The following RGS6 variants were observed in gnomAD, a reference collection of about 807,000 sequenced individuals.
RGS6 encodes regulator of G protein signaling 6, also known as regulator of G-protein signaling 6.
A neutral mutation model predicts 78.5 loss-of-function variants in RGS6; 30 were observed. The observed-to-expected ratio is 0.38, with a 90% CI of 0.29 to 0.52. RGS6 has a LOEUF of 0.52. Ranked by LOEUF, RGS6 falls within the 20% of genes least tolerant of loss-of-function variation. The pLI, the probability that RGS6 is intolerant of heterozygous loss-of-function variation, is 0.85. For missense variants in RGS6, 495 were observed against 609.7 expected, an observed-to-expected ratio of 0.81 and a Z score of 1.98; for synonymous variants, 206 against 206.0, an observed-to-expected ratio of 1.00 and a Z score of 0.00.
chr14:72,063,323 GAAGGAGA>G (rs2093982612), intron 2 of RGS6, among the ~76,000 whole-genome samples: 1 of 152,154 alleles, frequency 6.6e-6, no homozygotes, highest in African/African-American at 2.4e-5. Flanking sequence ...TGCCAAGGAG[GAAGGAGA>G]AATGAGAAAT....
At chr14:72,072,378 G>A (rs1379185866) in intron 2 of RGS6, among the ~76,000 whole-genome samples, 1 of 151,218 alleles carries the variant, frequency 6.6e-6, no homozygotes, top group Admixed American at 6.6e-5. Flanking sequence ...GCGCAATCTC[G>A]GCTCACTGCA....
chr14:72,175,691 G>A (rs2097095689), intron 2 of RGS6, among the ~76,000 whole-genome samples: 1 of 152,228 alleles, frequency 6.6e-6, no homozygotes, highest in Non-Finnish European at 1.5e-5. Flanking sequence ...GGCTCCATTA[G>A]AGGTTCCTCA....
intron 2 of RGS6, among the ~76,000 whole-genome samples, chr14:72,094,683 A>ACAAGAT (rs2095360495): frequency 6.6e-6 from 1 of 152,114 alleles, no homozygotes; most frequent in African/African-American, 2.4e-5. Context: ...ATCTTGCTTT[A>ACAAGAT]ACTCCTCTCT....
intron 2 of RGS6, among the ~76,000 whole-genome samples, chr14:71,998,485 G>T (rs17105566): frequency 0.15 from 22,823 of 152,178 alleles, 1,860 homozygotes; most frequent in East Asian, 0.21. Flanking sequence ...CCCTGGCATC[G>T]AAAAGCTGGG....
At chr14:72,535,414 G>A (rs143007079) in intron 15 of RGS6, among the ~76,000 whole-genome samples, 9 of 152,260 alleles carry the variant, frequency 5.9e-5, no homozygotes, top group African/African-American at 1.2e-4. Flanking sequence ...TTTGAGATAC[G>A]TATTGATTCT....
At chr14:72,430,383 A>G (rs537836628) in intron 3 of RGS6, among the ~76,000 whole-genome samples, 2 of 152,306 alleles carry the variant, frequency 1.3e-5, no homozygotes, top group Admixed American at 1.3e-4. Flanking sequence ...CATTCACAAA[A>G]GCCCAAGAAT....
At chr14:72,406,409 T>A (rs2092932355) in intron 3 of RGS6, among the ~76,000 whole-genome samples, 1 of 152,104 alleles carries the variant, frequency 6.6e-6, no homozygotes, top group Non-Finnish European at 1.5e-5. Flanking sequence ...AACTGCTATT[T>A]AGCACAACAT....
intron 12 of RGS6, among the ~76,000 whole-genome samples, chr14:72,485,895 A>G (rs2096480290): frequency 6.6e-6 from 1 of 152,142 alleles, no homozygotes; most frequent in Non-Finnish European, 1.5e-5. Flanking sequence ...ACATGACACC[A>G]CCAGCCCTTG....
chr14:71,978,772 C>A (rs1595559964), intron 2 of RGS6, among the ~76,000 whole-genome samples: 1 of 152,274 alleles, frequency 6.6e-6, no homozygotes. Flanking sequence ...GTGACGCTGG[C>A]CTCATAAAAT....
intron 2 of RGS6, among the ~76,000 whole-genome samples, chr14:72,057,555 G>A (rs937278355): frequency 4.6e-5 from 7 of 151,940 alleles, no homozygotes; most frequent in African/African-American, 7.3e-5. Context: ...CTGTTAATGC[G>A]TTTCCCATGA....
At chr14:72,286,436 G>A (rs1350427199) in intron 2 of RGS6, among the ~76,000 whole-genome samples, 1 of 152,074 alleles carries the variant, frequency 6.6e-6, no homozygotes, top group Non-Finnish European at 1.5e-5. Context: ...TTGAAATCAG[G>A]AAGTGTGATG....
intron 3 of RGS6, among the ~76,000 whole-genome samples, chr14:72,424,585 A>T (rs1227013820): frequency 1.3e-5 from 2 of 152,218 alleles, no homozygotes; most frequent in Admixed American, 1.3e-4. Context: ...AGGATAAATC[A>T]TATCTGTATT....
intron 3 of RGS6, among the ~76,000 whole-genome samples, chr14:72,400,767 C>T (rs1361766188): frequency 2.6e-5 from 4 of 152,206 alleles, no homozygotes; most frequent in South Asian, 2.1e-4. Flanking sequence ...AATTCACTTC[C>T]GTCGCTGACA....
chr14:71,967,153 T>C (rs932618897), intron 2 of RGS6, among the ~76,000 whole-genome samples: 8 of 150,646 alleles, frequency 5.3e-5, no homozygotes, highest in African/African-American at 2.0e-4. Flanking sequence ...GTAATGAAAC[T>C]ATATCTTACT....
intron 2 of RGS6, among the ~76,000 whole-genome samples, chr14:72,239,745 A>G (rs1226654682): frequency 1.3e-5 from 2 of 152,166 alleles, no homozygotes; most frequent in Non-Finnish European, 2.9e-5. Flanking sequence ...TAAGCCCAGC[A>G]CCCTTTTCAT....
intron 3 of RGS6, among the ~76,000 whole-genome samples, chr14:72,431,525 A>ATTTTAT (rs1555397021): frequency 1.4e-5 from 2 of 147,638 alleles, no homozygotes; most frequent in Admixed American, 6.7e-5. Context: ...ATTTTGTTTT[A>ATTTTAT]TTTATTTTAT....
At chr14:72,540,959 T>C in intron 17 of RGS6, 5 of 1,239,048 alleles carry the variant, frequency 4.0e-6, no homozygotes, top group Non-Finnish European at 5.2e-6. Flanking sequence ...CTCTCTACCA[T>C]GGTTTGTAGA....
At chr14:71,898,615 G>A in the RGS6 span, among the ~76,000 whole-genome samples, 3,047 of 152,226 alleles carry the variant, frequency 0.02, 41 homozygotes, top group Non-Finnish European at 0.031. Flanking sequence ...CCATCATCCA[G>A]GTTTTAAGCC....
intron 1 of RGS6, among the ~76,000 whole-genome samples, chr14:71,935,201 T>C (rs896676962): frequency 1.3e-5 from 2 of 152,220 alleles, no homozygotes; most frequent in Non-Finnish European, 2.9e-5. Flanking sequence ...TTGAGTGATA[T>C]GGATATAATA....
Sources: allele counts gnomAD v4.1 joint callset (sites outside exome capture counted in the v4.1 genomes callset), GRCh38; gene constraint gnomAD v4.1.1; transcripts MANE v1.5; gene names NCBI Gene and HGNC (gene_info 2026-07-23, HGNC 2026-07-21).